JAKMIP2: variants seen among roughly 807,000 people sequenced by gnomAD.
The protein encoded by JAKMIP2 is janus kinase and microtubule-interacting protein 2.
Under a neutral mutation model 115.0 loss-of-function variants are expected in JAKMIP2, and 25 were observed. The observed-to-expected ratio is 0.22, with a 90% CI of 0.16 to 0.30. The LOEUF is 0.30. Among genes scored for constraint, JAKMIP2 ranks in the 10% least tolerant of loss-of-function variants. The probability of loss-of-function intolerance (pLI) is 1.00; values close to 1 mark genes in which losing one functional copy is unlikely to be tolerated. For synonymous variants in JAKMIP2, 334 were observed against 343.6 expected (o/e 0.97, Z 0.31); for missense variants, 642 against 957.6 (o/e 0.67, Z 4.35).
chr5:147,708,685 G>GT (rs530312183), intron 1 of JAKMIP2, among the ~76,000 whole-genome samples: 15 of 152,066 alleles, frequency 9.9e-5, no homozygotes, highest in African/African-American at 1.4e-4. Flanking sequence ...ATTGATGTAT[G>GT]TTTTTTTCCT....
At chr5:147,743,641 G>C (rs1458510630) in intron 1 of JAKMIP2, among the ~76,000 whole-genome samples, 1 of 152,128 alleles carries the variant, frequency 6.6e-6, no homozygotes, top group East Asian at 1.9e-4. Context: ...ATTTGTGAAT[G>C]CTCCACAGTA....
intron 1 of JAKMIP2, among the ~76,000 whole-genome samples, chr5:147,767,318 T>A (rs1278980350): frequency 2.6e-5 from 4 of 152,172 alleles, no homozygotes; most frequent in Non-Finnish European, 5.9e-5. Context: ...AGTCACAAAG[T>A]CATAAACACA....
chr5:147,771,372 G>A (rs1755347927), intron 1 of JAKMIP2, among the ~76,000 whole-genome samples: 1 of 151,878 alleles, frequency 6.6e-6, no homozygotes, highest in African/African-American at 2.4e-5. Context: ...CAAATTTAGT[G>A]CAATGCTAGT....
At chr5:147,685,769 T>C (rs564366098) in intron 1 of JAKMIP2, among the ~76,000 whole-genome samples, 11 of 152,322 alleles carry the variant, frequency 7.2e-5, no homozygotes, top group Admixed American at 5.2e-4. Flanking sequence ...TATATGTTTA[T>C]ATATATAAAG....
chr5:147,598,596 A>G lies in JAKMIP2; in HGVS notation c.*20+3145T>C, dbSNP rs552277868. Among the ~76,000 whole-genome samples the G allele has an allele frequency of 7.2e-5, 11 of 152,168 alleles. No individual in the cohort carries two copies. In the South Asian group the frequency reaches 2.3e-3, roughly 31 times the overall value. On this transcript the variant is annotated intron_variant, in intron 21 of 21. Transcript: ENST00000616793. The stretch of plus-strand genomic sequence containing the variant: ...GATAATATCTTCTGGAACTACTTGG[A>G]GTCCCCTTGTTTAAAGTAAAAGTCC...
In JAKMIP2 at chr5:147,623,606, T is replaced by C. The variant is rs1319991372; in HGVS notation, c.2064+15A>G. Reference sequence around the variant, plus strand: ...AGTTTTTCTTAATTTTTACAATATCTCATCTTGTACTTACCATGTCACTTT... The same window carrying C: ...AGTTTTTCTTAATTTTTACAATATCCCATCTTGTACTTACCATGTCACTTT... On this transcript the variant is annotated intron_variant, in intron 17 of 21. Coordinates refer to ENST00000616793, the MANE Select transcript of JAKMIP2 (RefSeq NM_001270941.2). 3.9e-6 allele frequency: 6 copies of C among 1,543,578 alleles called. No homozygotes were observed. Among genetic ancestry groups the C allele is most frequent in the Non-Finnish European group, 5.4e-6 (6 of 1,116,656 alleles).
At chr5:147,770,068 T>C (rs949540247) in intron 1 of JAKMIP2, among the ~76,000 whole-genome samples, 2 of 152,164 alleles carry the variant, frequency 1.3e-5, no homozygotes, top group African/African-American at 4.8e-5. Context: ...CGTATGTATA[T>C]ATGTTTGTGT....
chr5:147,650,387 CG>C lies in JAKMIP2; in HGVS notation c.787del (p.Arg263GlufsTer26). ...ATCACCTGCCCTTCCTGGAATTTCT[CG>C]TTTTGGGCTGCTCATGTTGCACTCA... The part of the protein sequence containing the change: ...EAECNMSSPK[R>X]EIPGRAGDGS... On this transcript the variant is annotated frameshift_variant, in exon 4 of 22. Coordinates refer to ENST00000616793, the MANE Select transcript of JAKMIP2 (RefSeq NM_001270941.2). LOFTEE classifies it high-confidence loss of function. 1.2e-6 allele frequency: 2 copies of C among 1,613,816 alleles called. No individual in the cohort carries two copies. The highest frequency in any genetic ancestry group is 8.5e-7 in the Non-Finnish European group (1 of 1,179,782).
intron 1 of JAKMIP2, among the ~76,000 whole-genome samples, chr5:147,696,340 G>C (rs183681698): frequency 6.6e-6 from 1 of 152,248 alleles, no homozygotes. Context: ...TCTCATGATA[G>C]TGAGTGCATT....
rs138255830 is a variant in JAKMIP2, at chr5:147,637,937, G to GT, written c.1531-890dup. On this transcript the variant is annotated intron_variant, in intron 10 of 21. Transcript: ENST00000616793. ...TGTTGTTGTTTTACAATCTGGATAG[G>GT]TTTTTTAGTACAAAGTTGAATAAAA... Among the ~76,000 whole-genome samples, 966 of 152,008 alleles carry GT rather than the reference G, an allele frequency of 6.4e-3. 52 individuals carry two copies. In the East Asian group the frequency reaches 0.13, roughly 21 times the overall value.
intron 1 of JAKMIP2, among the ~76,000 whole-genome samples, chr5:147,765,057 AGGAAGGAAGGAAG>A (rs1755107780): frequency 6.8e-6 from 1 of 146,426 alleles, no homozygotes; most frequent in Non-Finnish European, 1.5e-5. Flanking sequence ...AGAAGAGAGA[AGGAAGGAAGGAAG>A]GAAAGAAAGA....
chr5:147,651,258 G>C (rs1171260879), intron 3 of JAKMIP2, among the ~76,000 whole-genome samples: 1 of 152,210 alleles, frequency 6.6e-6, no homozygotes, highest in East Asian at 1.9e-4. Flanking sequence ...ACATGTGTGA[G>C]ATATATTTAT....
intron 1 of JAKMIP2, among the ~76,000 whole-genome samples, chr5:147,681,019 G>C (rs34296544): frequency 0.2 from 30,241 of 152,110 alleles, 4,015 homozygotes; most frequent in East Asian, 0.45. Context: ...TGAAATCGCT[G>C]TCTTTATCAC....
rs555232652 is a variant in JAKMIP2, at chr5:147,647,550, T to C, written c.936+826A>G. 8.2e-4 allele frequency among the ~76,000 whole-genome samples: 125 copies of C among 152,242 alleles called. 1 individual carries two copies. The South Asian group carries it at 0.025, about 30-fold the overall frequency. On this transcript the variant is annotated intron_variant, in intron 5 of 21. Transcript: ENST00000616793. ...CAAAAGGCTAAGGACAAATTATATC[T>C]GAAAGACTAGTAAATATTTGAAAAG...
chr5:147,635,804 A>G (rs1354239704), intron 12 of JAKMIP2, among the ~76,000 whole-genome samples: 1 of 152,042 alleles, frequency 6.6e-6, no homozygotes, highest in African/African-American at 2.4e-5. Flanking sequence ...CAGGTGATCC[A>G]CCCACCTCGG....
intron 1 of JAKMIP2, among the ~76,000 whole-genome samples, chr5:147,699,759 G>T (rs1752250954): frequency 1.3e-5 from 2 of 152,228 alleles, no homozygotes; most frequent in African/African-American, 4.8e-5. Context: ...GTACACTGGG[G>T]ATAGGCAACA....
chr5:147,630,956 C>A (rs1210390157), intron 14 of JAKMIP2, among the ~76,000 whole-genome samples: 1 of 152,130 alleles, frequency 6.6e-6, no homozygotes, highest in Non-Finnish European at 1.5e-5. Flanking sequence ...CTAAATTAAA[C>A]ACATCAAAAG....
At chr5:147,771,503 A>C (rs927882276) in intron 1 of JAKMIP2, among the ~76,000 whole-genome samples, 2 of 152,146 alleles carry the variant, frequency 1.3e-5, no homozygotes, top group Non-Finnish European at 2.9e-5. Flanking sequence ...TCCAAAAAGT[A>C]AACTGACACA....
At chr5:147,651,400 G>A (rs1431672228) in intron 3 of JAKMIP2, among the ~76,000 whole-genome samples, 1 of 152,148 alleles carries the variant, frequency 6.6e-6, no homozygotes, top group African/African-American at 2.4e-5. Flanking sequence ...CCTAGGATGA[G>A]GGCTAATGAA....
Sources: allele counts gnomAD v4.1 joint callset (sites outside exome capture counted in the v4.1 genomes callset), GRCh38; gene constraint gnomAD v4.1.1; transcripts MANE v1.5; gene names NCBI Gene and HGNC (gene_info 2026-07-23, HGNC 2026-07-21).